KIF6: variants seen among roughly 807,000 people sequenced by gnomAD.
The protein encoded by KIF6 is kinesin family member 6.
In KIF6, 106 loss-of-function variants were observed where a neutral mutation model predicts 112.7. The ratio of observed to expected loss-of-function variants is 0.94; its 90% CI spans 0.80 to 1.11. The LOEUF is 1.11. KIF6 is among the 50% of genes least tolerant of loss of function. The probability of loss-of-function intolerance (pLI) is 0.00; values close to 1 mark genes in which losing one functional copy is unlikely to be tolerated. For missense variants in KIF6, 929 were observed against 964.0 expected (o/e 0.96, Z 0.48); for synonymous variants, 339 against 339.9 (o/e 1.00, Z 0.03).
At chr6:39,393,964 GAAAC>G (rs1258690539) in intron 15 of KIF6, among the ~76,000 whole-genome samples, 1 of 152,142 alleles carries the variant, frequency 6.6e-6, no homozygotes, top group Non-Finnish European at 1.5e-5. Flanking sequence ...TGTGTTTGGT[GAAAC>G]AAACAATGGC....
intron 3 of KIF6, among the ~76,000 whole-genome samples, chr6:39,677,413 C>G (rs1347664173): frequency 6.6e-6 from 1 of 152,006 alleles, no homozygotes; most frequent in South Asian, 2.1e-4. Context: ...ATGGATATAG[C>G]AAACCTGGAC....
At chr6:39,666,938 A>G (rs1347134449) in intron 3 of KIF6, among the ~76,000 whole-genome samples, 3 of 152,216 alleles carry the variant, frequency 2.0e-5, no homozygotes, top group African/African-American at 2.4e-5. Context: ...TTGCAGCACC[A>G]ATAATAATTA....
chr6:39,483,624 G>A (rs1387859551), intron 13 of KIF6, among the ~76,000 whole-genome samples: 1 of 152,150 alleles, frequency 6.6e-6, no homozygotes, highest in Non-Finnish European at 1.5e-5. Flanking sequence ...TCAAGCATCT[G>A]AAAGAGATCT....
intron 3 of KIF6, among the ~76,000 whole-genome samples, 200 bp downstream of exon 3, chr6:39,714,491 TG>T (rs1454994945): frequency 6.6e-6 from 1 of 152,090 alleles, no homozygotes; most frequent in Non-Finnish European, 1.5e-5. Flanking sequence ...TGCGTTATTT[TG>T]TTTTGTTTTG....
intron 15 of KIF6, among the ~76,000 whole-genome samples, chr6:39,419,506 T>C (rs1382926803): frequency 1.3e-5 from 2 of 152,170 alleles, no homozygotes; most frequent in Non-Finnish European, 2.9e-5. Flanking sequence ...TTTTTGCTTC[T>C]TATCCTTCCA....
intron 3 of KIF6, among the ~76,000 whole-genome samples, chr6:39,707,169 C>T (rs772216598): frequency 3.3e-5 from 5 of 152,226 alleles, no homozygotes; most frequent in Non-Finnish European, 7.3e-5. Context: ...CATCAAAATA[C>T]AGAACTATTC....
At chr6:39,337,172 C>CTTCTTTCTTTCTTTCTTTCCTTCTTTCT (rs1763016222) in intron 22 of KIF6, among the ~76,000 whole-genome samples, 6 of 59,506 alleles carry the variant, frequency 1.0e-4, no homozygotes, top group African/African-American at 5.5e-4. Context: ...TCTTTCCTTC[C>CTTCTTTCTTTCTTTCTTTCCTTCTTTCT]TTCTTTCTTT....
chr6:39,525,847 A>AAAGC (rs1777692282), intron 13 of KIF6, among the ~76,000 whole-genome samples: 1 of 148,458 alleles, frequency 6.7e-6, no homozygotes. Context: ...ATAAATAAAT[A>AAAGC]AAGCCTTTTT....
chr6:39,725,186 G>A, intron 1 of KIF6, 59 bp downstream of exon 1: 2 of 1,478,402 alleles, frequency 1.4e-6, no homozygotes, highest in Non-Finnish European at 9.3e-7. Flanking sequence ...GCGTGCCGCC[G>A]CCCGACCCCA....
chr6:39,622,763 C>T (rs1266403116), intron 5 of KIF6, among the ~76,000 whole-genome samples: 1 of 152,224 alleles, frequency 6.6e-6, no homozygotes, highest in Admixed American at 6.5e-5. Context: ...TGAGCAGCCT[C>T]AGGCAGCAGG....
chr6:39,614,518 T>C (rs1422285196), intron 5 of KIF6, among the ~76,000 whole-genome samples: 1 of 152,218 alleles, frequency 6.6e-6, no homozygotes, highest in Non-Finnish European at 1.5e-5. Context: ...ATCTGGACTT[T>C]CATATGTAAT....
At chr6:39,441,464 G>A (rs1268233821) in intron 13 of KIF6, among the ~76,000 whole-genome samples, 1 of 152,180 alleles carries the variant, frequency 6.6e-6, no homozygotes, top group Non-Finnish European at 1.5e-5. Context: ...TAGCATGTGT[G>A]TATCACTGAG....
rs1243604859 is a variant in KIF6 at position 39,431,220 on chromosome 6, T to C, written c.1646-59A>G. ...CAGCATCAGGATCCTATTAATTTCA[T>C]TGTCACTTCAGTCAGACCACAAAAC... On this transcript the variant is annotated intron_variant, in intron 13 of 22. Transcript: ENST00000287152. 1.3e-5 allele frequency: 13 copies of C among 1,010,956 alleles called. 1 individual carries two copies. Among genetic ancestry groups the C allele is most frequent in the East Asian group, 9.8e-5 (4 of 41,020 alleles). The allele number at this position is 1,010,956 out of a possible 1,614,324, so 62.6% of individuals were successfully genotyped here. A position where few individuals can be genotyped will look rare whatever the true frequency, so the allele number is the denominator to read the frequency against.
chr6:39,411,492 T>C (rs1020387730), intron 15 of KIF6, among the ~76,000 whole-genome samples: 1 of 152,192 alleles, frequency 6.6e-6, no homozygotes. Context: ...GAAAAGTGAC[T>C]TGCGGTTCAT....
At chr6:39,509,958 A>C (rs1339758371) in intron 13 of KIF6, among the ~76,000 whole-genome samples, 1 of 152,198 alleles carries the variant, frequency 6.6e-6, no homozygotes, top group African/African-American at 2.4e-5. Flanking sequence ...AATGAAGGAG[A>C]AAATGTTAAG....
In KIF6 at chr6:39,540,141, A is replaced by G; in HGVS notation, c.1507T>C (p.Phe503Leu). 6.2e-7 allele frequency: 1 copy of G among 1,614,128 alleles called. No individual in the cohort carries two copies. Among genetic ancestry groups the G allele is most frequent in the Non-Finnish European group, 8.5e-7 (1 of 1,179,996 alleles). Residue 503 changes from phenylalanine to leucine, a missense_variant, in exon 13 of 23, where the codon TTC becomes CTC. By Grantham distance (22) the Phe-to-Leu change is conservative. This residue lies in a region of KIF6 where 688 missense variants were observed against 662.7 expected (regional missense o/e 1.04). Coordinates refer to ENST00000287152, the MANE Select transcript of KIF6 (RefSeq NM_145027.6). ...AAGGGTGGGCTCTGGGACTGTCTGA[A>G]TTCACGTCTATCCATGCCAGCCAAG... ...LHLAGMDRRE[F>L]RQSQSPPFRL...
chr6:39,608,476 C>A (rs575071720), intron 6 of KIF6, among the ~76,000 whole-genome samples: 8 of 152,132 alleles, frequency 5.3e-5, no homozygotes, highest in Non-Finnish European at 7.4e-5. Context: ...AAAACAGAAT[C>A]ATTGTATGAC....
chr6:39,615,555 G>C (rs1783475985), intron 5 of KIF6, among the ~76,000 whole-genome samples: 1 of 136,668 alleles, frequency 7.3e-6, no homozygotes, highest in Admixed American at 8.5e-5. Flanking sequence ...AAGAGATTCT[G>C]ATTTGATTGG....
chr6:39,514,509 T>C (rs1776954506), intron 13 of KIF6, among the ~76,000 whole-genome samples: 1 of 152,258 alleles, frequency 6.6e-6, no homozygotes, highest in South Asian at 2.1e-4. Context: ...GTTCTCTCAA[T>C]GTCTATTAGT....
Sources: gnomAD v4.1 joint callset for allele counts (sites outside exome capture counted in the v4.1 genomes callset) on GRCh38, gnomAD v4.1.1 for gene constraint, gnomAD v4.1.1 regional missense constraint, MANE v1.5 for transcripts, NCBI Gene and HGNC (gene_info 2026-07-23, HGNC 2026-07-21) for gene names.